The following ELAC2 variants were observed in gnomAD, a reference collection of about 807,000 sequenced individuals.
ELAC2 encodes the protein zinc phosphodiesterase ELAC protein 2.
A neutral mutation model predicts 105.2 loss-of-function variants in ELAC2; 92 were observed. The observed-to-expected ratio is 0.87, with a 90% CI of 0.74 to 1.04. ELAC2 has a LOEUF of 1.04. Ranked by LOEUF, ELAC2 falls within the 50% of genes least tolerant of loss-of-function variation. The probability of loss-of-function intolerance (pLI) is 0.00; values close to 1 mark genes in which losing one functional copy is unlikely to be tolerated. For synonymous variants in ELAC2, 468 were observed against 409.1 expected (o/e 1.14, Z -1.74); for missense variants, 1,099 against 1,071.7 (o/e 1.03, Z -0.36).
At position 13,005,001 on chromosome 17, in the gene ELAC2, G is replaced by A. The variant is rs1247875701; in HGVS notation, c.971C>T (p.Ala324Val). The A allele has an allele frequency of 6.2e-7, 1 of 1,613,236 alleles. No individual in the cohort carries two copies. ...GACCCCTCATTACCTCTGAAAGGTG[G>A]CATTCTCACAGATGGGTTGAATGAA... ...ESFIQPICEN[A>V]TFQRYQGKAD... Residue 324 changes from alanine to valine, a missense_variant, in exon 11 of 24, where the codon GCC becomes GTC. By Grantham distance (64) the Ala-to-Val change is moderately conservative. Transcript: ENST00000338034.
chr17:13,011,702 C>G lies in ELAC2; in HGVS notation c.640G>C (p.Asp214His). 10 of 1,614,190 alleles carry G rather than the reference C, an allele frequency of 6.2e-6. No individual in the cohort carries two copies. Among genetic ancestry groups the G allele is most frequent in the Non-Finnish European group, 8.5e-6 (10 of 1,180,052 alleles). Reference sequence around the variant, plus strand: ...GGCTCATTTTCATTCGACTCGGAGTCTGAAGATCGCTCTGGACTGAGCCTG... The same window carrying G: ...GGCTCATTTTCATTCGACTCGGAGTGTGAAGATCGCTCTGGACTGAGCCTG... ...LSRLSPERSS[D>H]SESNENEPHL... The change falls in exon 7 of 24, where the codon GAC (aspartate) becomes CAC (histidine). Residue 214 changes from aspartate (D) to histidine (H), a missense_variant. By Grantham distance (81) the Asp-to-His change is moderately conservative. Coordinates refer to ENST00000338034, the MANE Select transcript of ELAC2 (RefSeq NM_018127.7).
rs566701532 is a variant in ELAC2 at position 12,992,043 on chromosome 17, T to TGTC, written c.*772_*774dup. On this transcript the variant is annotated 3_prime_UTR_variant, in exon 24 of 24. Coordinates refer to ENST00000338034, the MANE Select transcript of ELAC2 (RefSeq NM_018127.7). ...GGAAGCAACAACACAGCAAATCTAT[T>TGTC]GTCTCCACTTTTACCCAGAACCACC... Among the ~76,000 whole-genome samples, 146 of 152,314 alleles carry TGTC rather than the reference T, an allele frequency of 9.6e-4. 2 individuals carry two copies. In the South Asian group the frequency reaches 0.027, roughly 28 times the overall value.
At chr17:12,998,820 G>T (rs2040605740) in intron 15 of ELAC2, among the ~76,000 whole-genome samples, 1 of 152,144 alleles carries the variant, frequency 6.6e-6, no homozygotes, top group African/African-American at 2.4e-5. Context: ...TGCAGCTCAG[G>T]TTATCCCGTC....
intron 12 of ELAC2, among the ~76,000 whole-genome samples, chr17:13,003,142 T>TA (rs1452584093): frequency 4.6e-5 from 7 of 152,212 alleles, no homozygotes; most frequent in Non-Finnish European, 8.8e-5. Context: ...GGGCATTCAG[T>TA]AAATGGAAGC....
chr17:13,017,883 A>G lies in ELAC2; in HGVS notation c.65T>C (p.Ile22Thr), dbSNP rs934103595. Residue 22 changes from isoleucine to threonine, a missense_variant, in exon 1 of 24, where the codon ATA becomes ACA. Physicochemically the swap from Ile to Thr is moderately conservative, Grantham distance 89. Coordinates refer to ENST00000338034, the MANE Select transcript of ELAC2 (RefSeq NM_018127.7). ...AGRTMSQGRT[I>T]SQAPARRERP... ...CTCGCGGCGGGCGGGTGCCTGCGAT[A>G]TGGTGCGTCCCTGCGACATGGTGCG... 13 of 1,547,146 alleles carry G rather than the reference A, an allele frequency of 8.4e-6. No individual in the cohort carries two copies. The highest frequency in any genetic ancestry group is 4.1e-5 in the African/African-American group (3 of 73,304).
At chr17:12,994,179 A>G (rs569513368) in intron 22 of ELAC2, among the ~76,000 whole-genome samples, 6 of 152,302 alleles carry the variant, frequency 3.9e-5, no homozygotes, top group African/African-American at 9.6e-5. Flanking sequence ...CATGGCTTAT[A>G]GTTTATTCAG....
In ELAC2 at chr17:12,996,658, ACAGTC is replaced by A; in HGVS notation, c.1543_1547del (p.Asp515TrpfsTer2). On this transcript the variant is annotated frameshift_variant, in exon 17 of 24. Transcript: ENST00000338034. LOFTEE classifies it high-confidence loss of function. The stretch of plus-strand genomic sequence containing the variant: ...ACAGCTGCCCAAATGTGCCCTCACC[ACAGTC>A]CAGTAGCAGAGACGTGTCGGGGCTG... 1 of 1,613,898 alleles carries A rather than the reference ACAGTC, an allele frequency of 6.2e-7. No individual in the cohort carries two copies. Among genetic ancestry groups the A allele is most frequent in the Non-Finnish European group, 8.5e-7 (1 of 1,179,982 alleles).
rs140408544 is a variant in ELAC2 at position 12,991,792 on chromosome 17, CTCT to C, written c.*1023_*1025del. On this transcript the variant is annotated 3_prime_UTR_variant, in exon 24 of 24. Transcript: ENST00000338034. ...TTGCTTGTCTTTTGAGTTTTTAAAG[CTCT>C]TCTTTTTACATTCTCCTGGGTAGGG... 24,005 of 215,834 alleles carry C rather than the reference CTCT, an allele frequency of 0.11. 1,527 individuals carry two copies. Among genetic ancestry groups the C allele is most frequent in the Non-Finnish European group, 0.13 (14,162 of 106,934 alleles). The allele number at this position is 215,834 out of a possible 1,614,324, so 13.4% of individuals were successfully genotyped here.
chr17:12,995,204 C>T (rs571928216), intron 19 of ELAC2, 142 bp from the exon 20 acceptor site: 7 of 932,522 alleles, frequency 7.5e-6, no homozygotes, highest in Non-Finnish European at 1.2e-5. Context: ...GATGAGGAAA[C>T]AGCAGTCAAA....
In ELAC2 at chr17:13,005,593, AAC is replaced by A. The variant is rs1363439837; in HGVS notation, c.870+158_870+159del. ...TGCAGCCGTGTTGACATGCGGGACA[AAC>A]ACAGATAAAAGAGGCCATTTTATCA... is the stretch of plus-strand genomic sequence containing the variant. On this transcript the variant is annotated intron_variant, in intron 10 of 23. Coordinates refer to ENST00000338034, the MANE Select transcript of ELAC2 (RefSeq NM_018127.7). Among the ~76,000 whole-genome samples, 3 of 152,298 alleles carry A rather than the reference AAC, an allele frequency of 2.0e-5. No homozygotes were observed. In the East Asian group the frequency reaches 5.8e-4, roughly 29 times the overall value.
Position 13,017,991 on chromosome 17 carries a change from G to A in ELAC2, c.-44C>T. ...ACTGAGAAAGCCGCCGGTCACCTAC[G>A]CCCGCGTTTCCCGTGCACCACCTAG... On this transcript the variant is annotated 5_prime_UTR_variant, in exon 1 of 24. Transcript: ENST00000338034. 2.0e-6 allele frequency: 3 copies of A among 1,533,912 alleles called. No homozygotes were observed. The highest frequency in any genetic ancestry group is 2.6e-6 in the Non-Finnish European group (3 of 1,146,536).
intron 14 of ELAC2, among the ~76,000 whole-genome samples, chr17:13,001,530 T>A (rs1363499706): frequency 6.6e-6 from 1 of 151,812 alleles, no homozygotes; most frequent in Non-Finnish European, 1.5e-5. Flanking sequence ...ATAAATTAAT[T>A]AATTAAAATA....
chr17:13,014,396 TAA>T (rs1350531095), intron 5 of ELAC2, 41 bp downstream of exon 5: 9 of 1,480,200 alleles, frequency 6.1e-6, no homozygotes, highest in African/African-American at 1.4e-5. Flanking sequence ...AGGGCATATA[TAA>T]GTTAGAAATA....
At position 13,017,949 on chromosome 17, in the gene ELAC2, C is replaced by T; in HGVS notation, c.-2G>A. ...CAGCAGCGAGCAAAGCGCCCACATG[C>T]GCCCGTCTCCACCAAAACTGAGAAA... On this transcript the variant is annotated 5_prime_UTR_variant, in exon 1 of 24. Coordinates refer to ENST00000338034, the MANE Select transcript of ELAC2 (RefSeq NM_018127.7). 1 of 1,536,504 alleles carries T rather than the reference C, an allele frequency of 6.5e-7. No homozygotes were observed. The highest frequency in any genetic ancestry group is 1.4e-5 in the African/African-American group (1 of 73,086).
chr17:13,006,149 T>C (rs1320412788), intron 8 of ELAC2, 170 bp from the exon 9 acceptor site: 1 of 685,592 alleles, frequency 1.5e-6, no homozygotes, highest in African/African-American at 1.8e-5. Flanking sequence ...GGCGGGCAGA[T>C]CACCTGAGGT....
intron 3 of ELAC2, among the ~76,000 whole-genome samples, chr17:13,016,109 C>G (rs1418501232): frequency 6.6e-6 from 1 of 152,236 alleles, no homozygotes; most frequent in Non-Finnish European, 1.5e-5. Flanking sequence ...AAGTGAAGGG[C>G]TGGCACCCTA....
Position 13,010,864 on chromosome 17 carries a change from G to A in ELAC2, c.680-193C>T, listed in dbSNP as rs188207092. On this transcript the variant is annotated intron_variant, in intron 7 of 23. Transcript: ENST00000338034. ...CCTACTTATGTGGAGATGTGTTTGC[G>A]TAAATGAAAAACACAAAACTCTCAC... Among the ~76,000 whole-genome samples the A allele has an allele frequency of 1.4e-4, 21 of 152,226 alleles. No homozygotes were observed. In the East Asian group the frequency reaches 1.7e-3, roughly 13 times the overall value.
intron 16 of ELAC2, 97 bp downstream of exon 16, chr17:12,998,315 T>C (rs779683395): frequency 4.3e-6 from 5 of 1,170,336 alleles, no homozygotes; most frequent in African/African-American, 1.5e-5. Flanking sequence ...CAGGGCTTGA[T>C]ACCGCATTTC....
In ELAC2 at chr17:12,994,374, A is replaced by T. The variant is rs767033102; in HGVS notation, c.2108+51T>A. 23 of 1,598,972 alleles carry T rather than the reference A, an allele frequency of 1.4e-5. No individual in the cohort carries two copies. In the Admixed American group the frequency reaches 3.8e-4, roughly 27 times the overall value. ...AAACGACGGCTGCTCAGTGTCACGTAGTGGGGGAGGGAGAGGATGTGGGCG... is the reference window on the plus strand; with the variant it reads ...AAACGACGGCTGCTCAGTGTCACGTTGTGGGGGAGGGAGAGGATGTGGGCG... On this transcript the variant is annotated intron_variant, in intron 22 of 23. Coordinates refer to ENST00000338034, the MANE Select transcript of ELAC2 (RefSeq NM_018127.7).
Sources: gnomAD v4.1 joint callset for allele counts (sites outside exome capture counted in the v4.1 genomes callset) on GRCh38, gnomAD v4.1.1 for gene constraint, MANE v1.5 for transcripts, NCBI Gene and HGNC (gene_info 2026-07-23, HGNC 2026-07-21) for gene names.